Variants in MLLT10 observed in about 807,000 individuals in gnomAD.
MLLT10 encodes protein AF-10.
A neutral mutation model predicts 129.1 loss-of-function variants in MLLT10; 30 were observed. That is an observed-to-expected ratio of 0.23 (90% CI 0.17 to 0.32). The LOEUF is 0.32. Among genes scored for constraint, MLLT10 ranks in the 10% least tolerant of loss-of-function variants. The probability of loss-of-function intolerance (pLI) is 1.00; values close to 1 mark genes in which losing one functional copy is unlikely to be tolerated. For missense variants in MLLT10, 1,119 were observed against 1,268.3 expected (o/e 0.88, Z 1.79); for synonymous variants, 490 against 446.4 (o/e 1.10, Z -1.23).
chr10:21,576,631 A>ATT (rs772463822), intron 3 of MLLT10, among the ~76,000 whole-genome samples: 3 of 138,266 alleles, frequency 2.2e-5, no homozygotes, highest in Non-Finnish European at 3.2e-5. Flanking sequence ...CTAATACACA[A>ATT]TTTTTTTTTT....
At chr10:21,706,212 T>TAATTCATAATAATG (rs1459329759) in intron 13 of MLLT10, among the ~76,000 whole-genome samples, 2 of 152,242 alleles carry the variant, frequency 1.3e-5, no homozygotes, top group Non-Finnish European at 2.9e-5. Context: ...CAATCCTATT[T>TAATTCATAATAATG]AATTCATAAT....
rs185410947 is a variant in MLLT10 at position 21,581,729 on chromosome 10, A to T, written c.241-4565A>T. Among the ~76,000 whole-genome samples the T allele has an allele frequency of 2.1e-3, 326 of 152,252 alleles. 3 individuals are homozygous for T. Among genetic ancestry groups the T allele is most frequent in the African/African-American group, 7.5e-3 (311 of 41,566 alleles). On this transcript the variant is annotated intron_variant, in intron 3 of 22. Transcript: ENST00000307729. ...CATTCTCTTTCTCTTGCTTGCTGCT[A>T]TGTAAGATGTGCTTGCTTCCCCTCC...
At chr10:21,584,869 C>CGT (rs149130337) in intron 3 of MLLT10, among the ~76,000 whole-genome samples, 2,752 of 148,432 alleles carry the variant, frequency 0.019, 73 homozygotes, top group African/African-American at 0.063. Flanking sequence ...TGTGTATGTA[C>CGT]GTGTGTGTGT....
chr10:21,605,177 T>G (rs1203973100), intron 5 of MLLT10, among the ~76,000 whole-genome samples: 1 of 152,124 alleles, frequency 6.6e-6, no homozygotes, highest in Non-Finnish European at 1.5e-5. Flanking sequence ...AACACTTACA[T>G]AGCCTACAGT....
chr10:21,686,152 A>G (rs1458596833), intron 13 of MLLT10, among the ~76,000 whole-genome samples: 20 of 152,210 alleles, frequency 1.3e-4, no homozygotes, highest in Admixed American at 1.3e-3. Flanking sequence ...CAATTTATTA[A>G]GATCATGAAA....
intron 22 of MLLT10, 108 bp downstream of exon 22, chr10:21,740,344 A>T: frequency 7.9e-7 from 1 of 1,270,590 alleles, no homozygotes; most frequent in Non-Finnish European, 1.1e-6. Context: ...TCTTCTTAAA[A>T]CCAGTTGCTT....
intron 8 of MLLT10, among the ~76,000 whole-genome samples, chr10:21,637,412 A>G (rs2047564779): frequency 6.6e-6 from 1 of 152,214 alleles, no homozygotes; most frequent in Non-Finnish European, 1.5e-5. Flanking sequence ...TGGGATTCTG[A>G]AGAGACCCCA....
chr10:21,550,156 T>G (rs1354172802), intron 3 of MLLT10, among the ~76,000 whole-genome samples: 2 of 152,192 alleles, frequency 1.3e-5, no homozygotes, highest in Admixed American at 1.3e-4. Context: ...CTAATGGGGT[T>G]CATTGCTCCA....
chr10:21,560,680 T>C (rs2038695404), intron 3 of MLLT10, among the ~76,000 whole-genome samples: 1 of 152,184 alleles, frequency 6.6e-6, no homozygotes, highest in Non-Finnish European at 1.5e-5. Context: ...ACTTCTGGAC[T>C]CAAGCAATTC....
intron 4 of MLLT10, among the ~76,000 whole-genome samples, chr10:21,592,122 C>G (rs376467435): frequency 2.6e-4 from 39 of 152,204 alleles, no homozygotes; most frequent in Non-Finnish European, 4.4e-5. Flanking sequence ...AAGCTACATA[C>G]ATTCACAAAC....
intron 9 of MLLT10, among the ~76,000 whole-genome samples, chr10:21,664,357 G>A (rs1015619569): frequency 1.4e-5 from 2 of 144,758 alleles, no homozygotes; most frequent in African/African-American, 5.2e-5. Flanking sequence ...GTCTCCCTCT[G>A]TCCTGGAGTG....
intron 3 of MLLT10, among the ~76,000 whole-genome samples, chr10:21,544,518 G>A (rs2035768217): frequency 6.6e-6 from 1 of 152,098 alleles, no homozygotes; most frequent in Admixed American, 6.6e-5. Context: ...TAAAGATTCA[G>A]AAAAGTAAAG....
chr10:21,731,183 TGA>T, intron 17 of MLLT10, 129 bp downstream of exon 17: 7 of 847,454 alleles, frequency 8.3e-6, no homozygotes, highest in Non-Finnish European at 1.3e-5. Flanking sequence ...TATAATACAG[TGA>T]GAGAAAGTAT....
chr10:21,562,991 G>T (rs535259869), intron 3 of MLLT10, among the ~76,000 whole-genome samples: 1 of 151,708 alleles, frequency 6.6e-6, no homozygotes, highest in South Asian at 2.1e-4. Flanking sequence ...GGCTAATTTT[G>T]TATTTTTAGT....
intron 5 of MLLT10, among the ~76,000 whole-genome samples, chr10:21,599,606 C>T (rs2043331015): frequency 6.6e-6 from 1 of 151,984 alleles, no homozygotes; most frequent in Non-Finnish European, 1.5e-5. Context: ...ACTTTGTCAC[C>T]CAGGCTGGAG....
intron 14 of MLLT10, among the ~76,000 whole-genome samples, chr10:21,720,633 A>G (rs1414020789): frequency 6.6e-6 from 1 of 152,220 alleles, no homozygotes; most frequent in African/African-American, 2.4e-5. Context: ...TATATTATCA[A>G]ATACATAGTT....
chr10:21,677,949 C>T (rs745469701), intron 11 of MLLT10, among the ~76,000 whole-genome samples: 3 of 152,118 alleles, frequency 2.0e-5, no homozygotes, highest in African/African-American at 7.2e-5. Context: ...ACATAGTAAA[C>T]GTTAAACATT....
chr10:21,727,806 T>C, intron 15 of MLLT10, 50 bp from the exon 16 acceptor site: 1 of 1,454,504 alleles, frequency 6.9e-7, no homozygotes, highest in East Asian at 2.3e-5. Flanking sequence ...GTTTAAAACC[T>C]CTTATCTAGT....
chr10:21,595,693 A>G (rs1437683725), intron 5 of MLLT10: 1 of 329,878 alleles, frequency 3.0e-6, no homozygotes, highest in East Asian at 4.8e-5. Context: ...GGATATTTTA[A>G]TCCTTACAGA....
Sources: allele counts gnomAD v4.1 joint callset (sites outside exome capture counted in the v4.1 genomes callset), GRCh38; gene constraint gnomAD v4.1.1; transcripts MANE v1.5; gene names NCBI Gene and HGNC (gene_info 2026-07-23, HGNC 2026-07-21).